Variants in FAS observed in about 807,000 individuals in gnomAD.
FAS encodes tumor necrosis factor receptor superfamily member 6.
FAS carries 5 observed loss-of-function variants against 33.2 expected under a neutral mutation model. The ratio of observed to expected loss-of-function variants is 0.15; its 90% CI spans 0.08 to 0.32. The LOEUF is 0.32. Ranked by LOEUF, FAS falls within the 10% of genes least tolerant of loss-of-function variation. FAS has a pLI of 1.00. For synonymous variants in FAS, 131 were observed against 130.7 expected, an observed-to-expected ratio of 1.00 and a Z score of -0.01; for missense variants, 339 against 386.0, an observed-to-expected ratio of 0.88 and a Z score of 1.02.
chr10:88,975,417 G>T (rs1846539589), intron 2 of FAS, among the ~76,000 whole-genome samples: 1 of 152,102 alleles, frequency 6.6e-6, no homozygotes, highest in Admixed American at 6.5e-5. Flanking sequence ...ACCTGAAAGT[G>T]TTTGTTTTTT....
chr10:88,988,419 T>G (rs993046317), upstream of FAS, among the ~76,000 whole-genome samples: 3 of 5,906 alleles, frequency 5.1e-4, no homozygotes, highest in East Asian at 0.028. Context: ...TGTAGAAGTT[T>G]TTTTTTTTTT....
chr10:88,988,443 T>TTTTATTTTTTTTTTTTTTTTTTTTTTTTA (rs1554846019), upstream of FAS, among the ~76,000 whole-genome samples: 1 of 142,370 alleles, frequency 7.0e-6, no homozygotes, highest in Non-Finnish European at 1.5e-5. Flanking sequence ...TTTTGTTTTT[T>TTTTATTTTTTTTTTTTTTTTTTTTTTTTA]ATCTTAACTC....
intron 2 of FAS, among the ~76,000 whole-genome samples, chr10:88,978,855 C>T (rs1023794469): frequency 6.6e-6 from 1 of 152,012 alleles, no homozygotes; most frequent in Non-Finnish European, 1.5e-5. Context: ...AGCAACCTTC[C>T]TTATTCTTTC....
chr10:88,996,367 G>A (rs532651662), intron 1 of FAS, among the ~76,000 whole-genome samples: 2 of 152,008 alleles, frequency 1.3e-5, no homozygotes, highest in South Asian at 2.1e-4. Flanking sequence ...GCATGATCTC[G>A]TTTATATGTG....
chr10:88,964,746 A>T (rs182305158), intron 1 of FAS, among the ~76,000 whole-genome samples: 1 of 152,272 alleles, frequency 6.6e-6, no homozygotes, highest in African/African-American at 2.4e-5. Context: ...TTCAGCAAAA[A>T]GTATCTACAT....
At chr10:88,997,371 A>G (rs1455324338) in intron 1 of FAS, among the ~76,000 whole-genome samples, 4 of 152,212 alleles carry the variant, frequency 2.6e-5, no homozygotes, top group Admixed American at 6.5e-5. Flanking sequence ...TCCTAGGCTC[A>G]TTCATTTTAT....
At chr10:88,969,455 C>T (rs1846383447) in intron 1 of FAS, among the ~76,000 whole-genome samples, 1 of 152,188 alleles carries the variant, frequency 6.6e-6, no homozygotes, top group Non-Finnish European at 1.5e-5. Context: ...AAAGCATGCC[C>T]CCATTGGCAT....
intron 3 of FAS, among the ~76,000 whole-genome samples, chr10:89,008,512 G>C (rs773490814): frequency 1.3e-5 from 2 of 152,224 alleles, no homozygotes; most frequent in African/African-American, 2.4e-5. Context: ...GAGTCTCTGA[G>C]TGAGGACCTT....
At chr10:88,979,636 T>A (rs1846660523) in intron 2 of FAS, among the ~76,000 whole-genome samples, 1 of 152,006 alleles carries the variant, frequency 6.6e-6, no homozygotes, top group South Asian at 2.1e-4. Flanking sequence ...CAAGTCTACA[T>A]AACCTGAGAG....
intron 1 of FAS, among the ~76,000 whole-genome samples, chr10:89,001,112 A>G (rs775120157): frequency 2.0e-5 from 3 of 152,004 alleles, no homozygotes; most frequent in Non-Finnish European, 4.4e-5. Context: ...CACTGTGATG[A>G]CTCTAAAGCT....
intron 1 of FAS, among the ~76,000 whole-genome samples, chr10:88,964,063 T>A (rs1278170277): frequency 3.3e-5 from 5 of 152,020 alleles, no homozygotes. Context: ...TTTTTTATTT[T>A]ATTCTATAAT....
chr10:89,003,292 C>T (rs1188267394), intron 2 of FAS, 98 bp downstream of exon 2: 1 of 1,353,454 alleles, frequency 7.4e-7, no homozygotes, highest in East Asian at 2.4e-5. Flanking sequence ...TTTTGGTTCC[C>T]CTATATTATA....
chr10:89,002,569 A>G (rs1434200064), intron 1 of FAS: 3 of 180,346 alleles, frequency 1.7e-5, no homozygotes, highest in African/African-American at 2.4e-5. Flanking sequence ...CCCCTCACTG[A>G]AACTTTAATA....
intron 2 of FAS, among the ~76,000 whole-genome samples, chr10:89,006,560 C>A (rs1276236816): frequency 6.6e-6 from 1 of 152,188 alleles, no homozygotes; most frequent in Non-Finnish European, 1.5e-5. Flanking sequence ...CAATTAGAGT[C>A]ACTAGTAATG....
Position 89,014,593 on chromosome 10 carries a change from T to A in FAS, c.*143T>A, listed in dbSNP as rs1323335596. 15 of 837,812 alleles carry A rather than the reference T, an allele frequency of 1.8e-5. No homozygotes were observed. In the South Asian group the frequency reaches 2.0e-4, roughly 11 times the overall value. The allele number at this position is 837,812 out of a possible 1,614,324, so 51.9% of individuals were successfully genotyped here. On this transcript the variant is annotated 3_prime_UTR_variant, in exon 9 of 9. Coordinates refer to ENST00000652046, the MANE Select transcript of FAS (RefSeq NM_000043.6). ...GCTGAAGAGCCAACATATTTGTAGATTTTTAATATCTCATGATTCTGCCTC... is the reference window on the plus strand; with the variant it reads ...GCTGAAGAGCCAACATATTTGTAGAATTTTAATATCTCATGATTCTGCCTC...
At position 89,010,831 on chromosome 10, in the gene FAS, G is replaced by C. The variant is rs1197125728; in HGVS notation, c.568+16G>C. The C allele has an allele frequency of 6.2e-7, 1 of 1,613,686 alleles. No homozygotes were observed. The highest frequency in any genetic ancestry group is 1.3e-5 in the African/African-American group (1 of 75,018). ...ATTGTTTGGGGTAAGTTCTTGCTTTGTTCAAACTGCAGATTGAAATAACTT... is the reference window on the plus strand; with the variant it reads ...ATTGTTTGGGGTAAGTTCTTGCTTTCTTCAAACTGCAGATTGAAATAACTT... On this transcript the variant is annotated intron_variant, in intron 6 of 8. Coordinates refer to ENST00000652046, the MANE Select transcript of FAS (RefSeq NM_000043.6).
intron 1 of FAS, among the ~76,000 whole-genome samples, chr10:88,997,944 G>A (rs1252754580): frequency 6.6e-6 from 1 of 152,158 alleles, no homozygotes; most frequent in African/African-American, 2.4e-5. Flanking sequence ...GAAGACCATG[G>A]GAAATCTCTT....
intron 4 of FAS, among the ~76,000 whole-genome samples, chr10:89,009,731 C>CA (rs1178722965): frequency 7.3e-5 from 11 of 149,782 alleles, no homozygotes; most frequent in African/African-American, 2.7e-4. Context: ...ACAGTTGTCC[C>CA]AGGCTCTCCC....
chr10:88,990,940 C>A lies in FAS; in HGVS notation c.30+34C>A, dbSNP rs781677949. Reference sequence around the variant, plus strand: ...TCTCCTGCCCGGGTGGAGGCTTACCCCGTCTTAGTCCCGGGGATAGGCAAA... The same window carrying A: ...TCTCCTGCCCGGGTGGAGGCTTACCACGTCTTAGTCCCGGGGATAGGCAAA... On this transcript the variant is annotated intron_variant, in intron 1 of 8. Transcript: ENST00000652046. The surrounding 1 kb of genome is among the most constrained non-coding windows in gnomAD (Gnocchi z 4.9). 6.2e-7 allele frequency: 1 copy of A among 1,613,944 alleles called. No homozygotes were observed. Among genetic ancestry groups the A allele is most frequent in the Non-Finnish European group, 8.5e-7 (1 of 1,179,928 alleles).
Sources: gnomAD v4.1 joint callset for allele counts (sites outside exome capture counted in the v4.1 genomes callset) on GRCh38, gnomAD v4.1.1 for gene constraint, Gnocchi (gnomAD v3.1) non-coding constraint, MANE v1.5 for transcripts, NCBI Gene and HGNC (gene_info 2026-07-23, HGNC 2026-07-21) for gene names.